The following RYR2 variants were observed in gnomAD, a reference collection of about 807,000 sequenced individuals.
RYR2 encodes ryanodine receptor 2.
In RYR2, 227 loss-of-function variants were observed where a neutral mutation model predicts 601.1. The observed-to-expected ratio is 0.38, with a 90% confidence interval of 0.34 to 0.42. RYR2 has a LOEUF of 0.42. Among genes scored for constraint, RYR2 ranks in the 10% least tolerant of loss-of-function variants. The pLI, the probability that RYR2 is intolerant of heterozygous loss-of-function variation, is 1.00. For missense variants in RYR2, 4,646 were observed against 6,156.5 expected (o/e 0.75, Z 8.21); for synonymous variants, 2,223 against 2,175.1 (o/e 1.02, Z -0.61).
At chr1:237,792,923 ATGATT>A in intron 94 of RYR2, among the ~76,000 whole-genome samples, 1 of 152,340 alleles carries the variant, frequency 6.6e-6, no homozygotes, top group South Asian at 2.1e-4. Flanking sequence ...GAAATGCCTC[ATGATT>A]TGTCACACTT....
chr1:237,632,058 A>AT (rs1239409013), intron 42 of RYR2, among the ~76,000 whole-genome samples: 1 of 151,530 alleles, frequency 6.6e-6, no homozygotes, highest in Non-Finnish European at 1.5e-5. Flanking sequence ...TTTTTCCTTG[A>AT]TTTTGATAAA....
chr1:237,154,103 A>T (rs1675038305), intron 1 of RYR2, among the ~76,000 whole-genome samples: 1 of 152,208 alleles, frequency 6.6e-6, no homozygotes, highest in Non-Finnish European at 1.5e-5. Flanking sequence ...ACAAGATAAC[A>T]TTGCTAACTT....
At position 237,602,606 on chromosome 1, in the gene RYR2, G is replaced by A. The variant is rs1676631761; in HGVS notation, c.4683+495G>A. On this transcript the variant is annotated intron_variant, in intron 35 of 104. Coordinates refer to ENST00000366574, the MANE Select transcript of RYR2 (RefSeq NM_001035.3). ...TTAGGAGAGGTCATTCTGGGCAGAG[G>A]ATGAGAAGAAGCAAAAATATGTAAG... Among the ~76,000 whole-genome samples, 6 of 152,218 alleles carry A rather than the reference G, an allele frequency of 3.9e-5. No homozygotes were observed. The South Asian group carries it at 1.2e-3, about 32-fold the overall frequency.
chr1:237,558,959 T>C (rs1010682604), intron 27 of RYR2, among the ~76,000 whole-genome samples: 10 of 152,050 alleles, frequency 6.6e-5, no homozygotes, highest in African/African-American at 2.4e-4. Context: ...TTTACCTCTT[T>C]ATTGATATTC....
At chr1:237,219,965 C>T (rs971323252) in intron 1 of RYR2, among the ~76,000 whole-genome samples, 2 of 152,316 alleles carry the variant, frequency 1.3e-5, no homozygotes, top group Admixed American at 1.3e-4. Context: ...TCAGCACATA[C>T]CTGTCATGTG....
At chr1:237,371,404 G>A (rs977744387) in intron 6 of RYR2, among the ~76,000 whole-genome samples, 4 of 151,916 alleles carry the variant, frequency 2.6e-5, no homozygotes, top group Non-Finnish European at 5.9e-5. Context: ...CGATCCTCTC[G>A]CCTTGGCCTC....
chr1:237,791,355 T>C (rs976613732), intron 92 of RYR2, 74 bp from the exon 93 acceptor site: 2 of 780,502 alleles, frequency 2.6e-6, no homozygotes, highest in South Asian at 1.5e-5. Flanking sequence ...AATGAATGAA[T>C]GCTTTATTTA....
chr1:237,573,983 A>C (rs778971145), intron 29 of RYR2, among the ~76,000 whole-genome samples: 2 of 152,068 alleles, frequency 1.3e-5, no homozygotes, highest in Non-Finnish European at 2.9e-5. Context: ...TCATTCCCTC[A>C]ACTCCTCCTC....
At chr1:237,102,753 G>T (rs1387080664) in intron 1 of RYR2, among the ~76,000 whole-genome samples, 1 of 152,162 alleles carries the variant, frequency 6.6e-6, no homozygotes, top group Non-Finnish European at 1.5e-5. Context: ...TACTCGGGAG[G>T]CTGAGGCAGG....
chr1:237,136,897 A>G (rs1483061658), intron 1 of RYR2, among the ~76,000 whole-genome samples: 1 of 151,682 alleles, frequency 6.6e-6, no homozygotes, highest in African/African-American at 2.4e-5. Flanking sequence ...AGTACCTGTA[A>G]TCCCAGCTAC....
In RYR2 at chr1:237,798,104, C is replaced by A. The variant is rs1172831046; in HGVS notation, c.14024C>A (p.Ala4675Glu). 2.5e-6 allele frequency: 4 copies of A among 1,611,404 alleles called. No homozygotes were observed. The highest frequency in any genetic ancestry group is 3.4e-6 in the Non-Finnish European group (4 of 1,178,534). The change falls in exon 97 of 105, where the codon GCA (alanine) becomes GAA (glutamate). Residue 4675 changes from alanine to glutamate, a missense_variant. By Grantham distance (107) the Ala-to-Glu change is moderately radical. Transcript: ENST00000366574. ...AGTGAATTACTTGGCATGGACAAGG[C>A]AGCTCTGGACTTCAGTGATGCCAGA... ...RISELLGMDK[A>E]ALDFSDAREK...
chr1:237,830,981 TAAG>T (rs1558504078), intron 103 of RYR2, among the ~76,000 whole-genome samples: 1 of 152,164 alleles, frequency 6.6e-6, no homozygotes, highest in African/African-American at 2.4e-5. Flanking sequence ...TTACAGATCT[TAAG>T]AGGACTTTCA....
intron 8 of RYR2, among the ~76,000 whole-genome samples, chr1:237,379,917 C>T (rs1465798355): frequency 6.6e-6 from 1 of 152,150 alleles, no homozygotes; most frequent in Non-Finnish European, 1.5e-5. Flanking sequence ...TTGTTGATCT[C>T]TATGGACCTA....
chr1:237,731,891 TACACACACACAC>T (rs71561898), intron 77 of RYR2, among the ~76,000 whole-genome samples, 143 bp from the exon 78 acceptor site: 1 of 147,298 alleles, frequency 6.8e-6, no homozygotes. Flanking sequence ...GCATATAAAA[TACACACACACAC>T]ACACACACAC....
intron 7 of RYR2, among the ~76,000 whole-genome samples, chr1:237,377,055 T>C (rs1418102909): frequency 6.6e-6 from 1 of 152,094 alleles, no homozygotes. Context: ...AATTTAGCCT[T>C]AGATGAGTAT....
intron 59 of RYR2, 101 bp from the exon 60 acceptor site, chr1:237,674,628 CAT>C (rs1685236427): frequency 3.6e-6 from 2 of 552,448 alleles, no homozygotes; most frequent in Admixed American, 3.2e-5. Context: ...TATAGATAAA[CAT>C]ATATGTATGT....
At chr1:237,312,958 A>T (rs1291022239) in intron 2 of RYR2, among the ~76,000 whole-genome samples, 1 of 152,182 alleles carries the variant, frequency 6.6e-6, no homozygotes, top group Admixed American at 6.5e-5. Context: ...AGATAGACTG[A>T]ACTTGAAGCC....
intron 79 of RYR2, among the ~76,000 whole-genome samples, 196 bp from the exon 80 acceptor site, chr1:237,742,100 G>T (rs1691659463): frequency 1.3e-5 from 2 of 152,110 alleles, no homozygotes; most frequent in South Asian, 4.2e-4. Flanking sequence ...TTTTATTTTT[G>T]TAAAAGCACT....
intron 16 of RYR2, among the ~76,000 whole-genome samples, chr1:237,459,990 A>C (rs2045956): frequency 0.49 from 75,211 of 151,988 alleles, 19,652 homozygotes; most frequent in East Asian, 0.74. Flanking sequence ...CTGGCTTCAA[A>C]AACAGAGGGG....
Sources: allele counts gnomAD v4.1 joint callset (sites outside exome capture counted in the v4.1 genomes callset), GRCh38; gene constraint gnomAD v4.1.1; transcripts MANE v1.5; gene names NCBI Gene and HGNC (gene_info 2026-07-23, HGNC 2026-07-21).